The following SMARCB1 variants were observed in gnomAD, a reference collection of about 807,000 sequenced individuals.
SMARCB1 encodes SWI/SNF-related matrix-associated actin-dependent regulator of chromatin subfamily B member 1.
Under a neutral mutation model 49.0 loss-of-function variants are expected in SMARCB1, and 5 were observed. The observed-to-expected ratio is 0.10, with a 90% CI of 0.05 to 0.21. The LOEUF (loss-of-function observed/expected upper bound fraction) is 0.21, where lower values mean the gene tolerates loss of function less well. SMARCB1 is among the 10% of genes least tolerant of loss of function. The probability of loss-of-function intolerance (pLI) is 1.00; values close to 1 mark genes in which losing one functional copy is unlikely to be tolerated. For synonymous variants in SMARCB1, 201 were observed against 200.1 expected, an observed-to-expected ratio of 1.00 and a Z score of -0.04; for missense variants, 226 against 509.2, an observed-to-expected ratio of 0.44 and a Z score of 5.35.
chr22:23,824,602 G>A (rs34284791), intron 6 of SMARCB1: 13,799 of 156,070 alleles, frequency 0.088, 782 homozygotes, highest in East Asian at 0.17. Context: ...TCCACTAGTG[G>A]AAAACCCCTG....
Position 23,837,074 on chromosome 22 carries a change from G to A in SMARCB1, c.*2894G>A, listed in dbSNP as rs1157541349. 3 of 1,613,930 alleles carry A rather than the reference G, an allele frequency of 1.9e-6. No homozygotes were observed. Among genetic ancestry groups the A allele is most frequent in the East Asian group, 2.2e-5 (1 of 44,874 alleles). The stretch of plus-strand genomic sequence containing the variant: ...GCTCTCAACACTCACAGGAAGCCAG[G>A]GGTCTGCAGGAGCCTCTTGCCTCCA... On this transcript the variant is annotated 3_prime_UTR_variant, in exon 9 of 9. Transcript: ENST00000644036.
chr22:23,819,812 A>T (rs2029982088), intron 6 of SMARCB1, among the ~76,000 whole-genome samples: 1 of 148,756 alleles, frequency 6.7e-6, no homozygotes, highest in African/African-American at 2.5e-5. Context: ...ATCCTCACTC[A>T]CACTTGTTAG....
chr22:23,803,489 T>A (rs1929304808), intron 5 of SMARCB1, 67 bp downstream of exon 5: 1 of 1,574,946 alleles, frequency 6.3e-7, no homozygotes, highest in African/African-American at 1.3e-5. Context: ...AACAGTCCCG[T>A]TTCCTGCCAG....
intron 3 of SMARCB1, among the ~76,000 whole-genome samples, chr22:23,799,007 G>T (rs557056338): frequency 6.7e-6 from 1 of 148,278 alleles, no homozygotes; most frequent in Non-Finnish European, 1.5e-5. Context: ...CCCAGATGGC[G>T]CCACTGTACT....
At position 23,802,869 on chromosome 22, in the gene SMARCB1, G is replaced by A. The variant is rs1929254901; in HGVS notation, c.501-426G>A. 1.8e-5 allele frequency: 6 copies of A among 333,280 alleles called. 1 individual carries two copies. The highest frequency in any genetic ancestry group is 1.5e-4 in the South Asian group (6 of 40,354). The allele number at this position is 333,280 out of a possible 1,614,324, so 20.6% of individuals were successfully genotyped here. ...AGCATCCCTGACCACTGCTCCTCACGGAATCTGTGCTCTGTGGTCTGTTTG... is the reference window on the plus strand; with the variant it reads ...AGCATCCCTGACCACTGCTCCTCACAGAATCTGTGCTCTGTGGTCTGTTTG... On this transcript the variant is annotated intron_variant, in intron 4 of 8. Coordinates refer to ENST00000644036, the MANE Select transcript of SMARCB1 (RefSeq NM_003073.5).
At position 23,837,494 on chromosome 22, in the gene SMARCB1, T is replaced by G. The variant is rs2146063416; in HGVS notation, c.*3314T>G. On this transcript the variant is annotated 3_prime_UTR_variant, in exon 9 of 9. Coordinates refer to ENST00000644036, the MANE Select transcript of SMARCB1 (RefSeq NM_003073.5). The stretch of plus-strand genomic sequence containing the variant: ...ATGCAAATTATGTGGGCCGGCTGGC[T>G]TGAGGGGCTGTAAGAGCACAGCAGC... 1 of 754,244 alleles carries G rather than the reference T, an allele frequency of 1.3e-6. No individual in the cohort carries two copies. The highest frequency in any genetic ancestry group is 2.1e-6 in the Non-Finnish European group (1 of 471,430). 46.7% of individuals were successfully genotyped at this position (754,244 alleles called of 1,614,324 possible).
chr22:23,837,147 C>A lies in SMARCB1; in HGVS notation c.*2967C>A. 1 of 1,613,936 alleles carries A rather than the reference C, an allele frequency of 6.2e-7. No individual in the cohort carries two copies. Among genetic ancestry groups the A allele is most frequent in the Non-Finnish European group, 8.5e-7 (1 of 1,179,906 alleles). ...CCAGGAAGTAGTAGATATGGCCCAC[C>A]GCAATCCCTGTGAGACAGCCACGGA... On this transcript the variant is annotated 3_prime_UTR_variant, in exon 9 of 9. Coordinates refer to ENST00000644036, the MANE Select transcript of SMARCB1 (RefSeq NM_003073.5).
At position 23,834,267 on chromosome 22, in the gene SMARCB1, GGA is replaced by G; in HGVS notation, c.*88_*89del. The G allele has an allele frequency of 7.1e-7, 1 of 1,409,684 alleles. No homozygotes were observed. The highest frequency in any genetic ancestry group is 9.8e-7 in the Non-Finnish European group (1 of 1,023,136). The allele number at this position is 1,409,684 out of a possible 1,614,324, so 87.3% of individuals were successfully genotyped here. Reference sequence around the variant, plus strand: ...TCTTCTGGCAAGGACAGAGGCGAGGGGACAGCCCAGCGCCATCCTGAGGATCG... The same window carrying G: ...TCTTCTGGCAAGGACAGAGGCGAGGGCAGCCCAGCGCCATCCTGAGGATCG... On this transcript the variant is annotated 3_prime_UTR_variant, in exon 9 of 9. Transcript: ENST00000644036.
At chr22:23,802,922 C>G (rs1279472945) in intron 4 of SMARCB1, 1 of 368,158 alleles carries the variant, frequency 2.7e-6, no homozygotes, top group Admixed American at 3.7e-5. Flanking sequence ...CTCCATTCAC[C>G]TGCCTTGGCC....
chr22:23,824,126 A>G (rs190710110), intron 6 of SMARCB1: 2 of 152,520 alleles, frequency 1.3e-5, no homozygotes, highest in African/African-American at 4.8e-5. Flanking sequence ...GGTGAGGGGA[A>G]GAGCATTCTA....
In SMARCB1 at chr22:23,793,607, C is replaced by T. The variant is rs1223772419; in HGVS notation, c.281C>T (p.Ser94Leu). 4 of 1,613,852 alleles carry T rather than the reference C, an allele frequency of 2.5e-6. No individual in the cohort carries two copies. Among genetic ancestry groups the T allele is most frequent in the African/African-American group, 2.7e-5 (2 of 74,866 alleles). Residue 94 changes from serine to leucine, a missense_variant, in exon 3 of 9, where the codon TCG becomes TTG. Ser to Leu is a moderately radical substitution (Grantham distance 145, BLOSUM62 -2). Around this residue, in one of 6 missense-constraint regions of SMARCB1, gnomAD observed 128 missense variants for 263.9 expected, o/e 0.49. Transcript: ENST00000644036. ...LATSVTLLKA[S>L]EVEEILDGND... ...ACCAGTGTGACCCTGTTAAAAGCCT[C>T]GGAAGTGGAAGAGATTCTGGATGGC...
At chr22:23,807,511 G>C (rs1444783293) in intron 5 of SMARCB1, among the ~76,000 whole-genome samples, 2 of 151,880 alleles carry the variant, frequency 1.3e-5, no homozygotes, top group East Asian at 1.9e-4. Flanking sequence ...GGAGGTTGAG[G>C]CTTCAGTGAG....
intron 5 of SMARCB1, among the ~76,000 whole-genome samples, chr22:23,813,619 A>G (rs1930008116): frequency 1.3e-5 from 2 of 152,214 alleles, no homozygotes; most frequent in South Asian, 2.1e-4. Flanking sequence ...TAAAACACTG[A>G]CGAAAGTAAT....
chr22:23,824,076 T>C (rs1379700335), intron 6 of SMARCB1: 1 of 152,300 alleles, frequency 6.6e-6, no homozygotes, highest in African/African-American at 2.4e-5. Context: ...GCTGGCACTT[T>C]AGCTTAGACC....
At chr22:23,795,487 C>T (rs1413318413) in intron 3 of SMARCB1, among the ~76,000 whole-genome samples, 1 of 151,988 alleles carries the variant, frequency 6.6e-6, no homozygotes, top group Non-Finnish European at 1.5e-5. Context: ...GAAGCCTCAT[C>T]TCTGCTAAAC....
chr22:23,831,076 T>C (rs531216170), intron 7 of SMARCB1, among the ~76,000 whole-genome samples: 1 of 152,300 alleles, frequency 6.6e-6, no homozygotes, highest in East Asian at 1.9e-4. Flanking sequence ...TCTTCCTCCA[T>C]TGAGTGGACT....
intron 1 of SMARCB1, among the ~76,000 whole-genome samples, chr22:23,790,525 T>A (rs972506064): frequency 1.3e-5 from 2 of 151,766 alleles, no homozygotes; most frequent in Non-Finnish European, 2.9e-5. Context: ...GTGAGACTCT[T>A]GTCTCTACAG....
intron 1 of SMARCB1, among the ~76,000 whole-genome samples, chr22:23,789,143 C>T (rs1288365142): frequency 6.6e-6 from 1 of 152,226 alleles, no homozygotes; most frequent in Non-Finnish European, 1.5e-5. Context: ...GCCACTGTGC[C>T]TGGCCTCCAC....
At chr22:23,816,600 A>C in intron 5 of SMARCB1, 170 bp from the exon 6 acceptor site, 1 of 710,338 alleles carries the variant, frequency 1.4e-6, no homozygotes, top group Non-Finnish European at 2.5e-6. Context: ...CCTGCTAGTC[A>C]TGTGCTTCCT....
Sources: gnomAD v4.1 joint callset for allele counts (sites outside exome capture counted in the v4.1 genomes callset) on GRCh38, gnomAD v4.1.1 for gene constraint, gnomAD v4.1.1 regional missense constraint, MANE v1.5 for transcripts, NCBI Gene and HGNC (gene_info 2026-07-23, HGNC 2026-07-21) for gene names.